LIPC: variants seen among roughly 807,000 people sequenced by gnomAD.
LIPC encodes hepatic triacylglycerol lipase.
LIPC carries 44 observed loss-of-function variants against 50.7 expected under a neutral mutation model. The ratio of observed to expected loss-of-function variants is 0.87; its 90% CI spans 0.68 to 1.11. The LOEUF (loss-of-function observed/expected upper bound fraction) is 1.11, where lower values mean the gene tolerates loss of function less well. Among genes scored for constraint, LIPC ranks in the 50% most tolerant of loss-of-function variants. The pLI, the probability that LIPC is intolerant of heterozygous loss-of-function variation, is 0.00. For missense variants in LIPC, 697 were observed against 648.2 expected, an observed-to-expected ratio of 1.08 and a Z score of -0.82; for synonymous variants, 271 against 256.4, an observed-to-expected ratio of 1.06 and a Z score of -0.54.
At chr15:58,499,795 G>A (rs1161345128) in intron 1 of LIPC, among the ~76,000 whole-genome samples, 2 of 152,182 alleles carry the variant, frequency 1.3e-5, no homozygotes, top group Non-Finnish European at 2.9e-5. Context: ...GTCTAAGTGA[G>A]GTTGGATAAC....
At chr15:58,465,753 G>A (rs747393471) in intron 1 of LIPC, among the ~76,000 whole-genome samples, 11 of 152,136 alleles carry the variant, frequency 7.2e-5, no homozygotes, top group Non-Finnish European at 1.6e-4. Context: ...GGAAGATAGA[G>A]TCCAAGAGGG....
chr15:58,475,854 C>T lies in LIPC; in HGVS notation c.88+43734C>T, dbSNP rs140954899. 5.9e-3 allele frequency among the ~76,000 whole-genome samples: 893 copies of T among 152,302 alleles called. 6 individuals are homozygous for T. Among genetic ancestry groups the T allele is most frequent in the Non-Finnish European group, 9.3e-3 (635 of 68,018 alleles). On this transcript the variant is annotated intron_variant, in intron 1 of 8. Coordinates refer to ENST00000299022, the MANE Select transcript of LIPC (RefSeq NM_000236.3). ...AGGACATTCCATTAACAATAAGCAC[C>T]ACTCTGAGCATTTCCTATGTGCCAG...
At chr15:58,540,361 C>T (rs2227298) in intron 2 of LIPC, among the ~76,000 whole-genome samples, 72 of 152,098 alleles carry the variant, frequency 4.7e-4, no homozygotes, top group African/African-American at 1.6e-3. Flanking sequence ...CTGCTCTAAG[C>T]GCTTTAGATC....
At position 58,538,522 on chromosome 15, in the gene LIPC, GA is replaced by G. The variant is rs1893219044; in HGVS notation, c.273+8del. ...ATGATAATCCACGGGTGGTCGGTAG[GA>G]AATGCTGACATGCCGTTTTTCTCTC... On this transcript the variant is annotated splice_donor_region_variant and intron_variant, in intron 2 of 8. Coordinates refer to ENST00000299022, the MANE Select transcript of LIPC (RefSeq NM_000236.3). 6.2e-7 allele frequency: 1 copy of G among 1,613,756 alleles called. No homozygotes were observed.
At chr15:58,534,250 T>G (rs1309213676) in intron 1 of LIPC, among the ~76,000 whole-genome samples, 3 of 152,154 alleles carry the variant, frequency 2.0e-5, no homozygotes, top group African/African-American at 7.2e-5. Flanking sequence ...TGTGCAAAGC[T>G]AAAACTTGTA....
chr15:58,489,730 G>A (rs1891518529), intron 1 of LIPC, among the ~76,000 whole-genome samples: 1 of 152,174 alleles, frequency 6.6e-6, no homozygotes, highest in Non-Finnish European at 1.5e-5. Context: ...TAGAAAATTT[G>A]CCTATATCTT....
In LIPC at chr15:58,547,776, G is replaced by T. The variant is rs182202765; in HGVS notation, c.809-554G>T. On this transcript the variant is annotated intron_variant, in intron 5 of 8. Coordinates refer to ENST00000299022, the MANE Select transcript of LIPC (RefSeq NM_000236.3). ...GGTTTCACAGGCCTGTTACCTAAGG[G>T]ATGCAATGGCTGCTTTGGGACACAA... is the stretch of plus-strand genomic sequence containing the variant. Among the ~76,000 whole-genome samples, 48 of 152,184 alleles carry T rather than the reference G, an allele frequency of 3.2e-4. No individual in the cohort carries two copies. In the East Asian group the frequency reaches 7.0e-3, roughly 22 times the overall value.
chr15:58,478,059 C>G (rs1891058253), intron 1 of LIPC, among the ~76,000 whole-genome samples: 1 of 152,118 alleles, frequency 6.6e-6, no homozygotes, highest in African/African-American at 2.4e-5. Flanking sequence ...TGCCCACCTC[C>G]CCCCATAGCT....
chr15:58,516,797 T>C (rs1475538708), intron 1 of LIPC, among the ~76,000 whole-genome samples: 1 of 152,254 alleles, frequency 6.6e-6, no homozygotes, highest in East Asian at 1.9e-4. Context: ...TTACCATCTA[T>C]AACAATTCTA....
chr15:58,476,366 C>T (rs1421795921), intron 1 of LIPC, among the ~76,000 whole-genome samples: 1 of 152,238 alleles, frequency 6.6e-6, no homozygotes, highest in African/African-American at 2.4e-5. Flanking sequence ...AGTCTAATAT[C>T]ACATTTAACA....
rs1234182871 is a variant in LIPC at position 58,493,135 on chromosome 15, T to C, written c.89-45198T>C. On this transcript the variant is annotated intron_variant, in intron 1 of 8. Transcript: ENST00000299022. ...TGGCCCCCCATGGTATCTCACATCA[T>C]CATCAGACCAAAAGAACCCATACCC... Among the ~76,000 whole-genome samples, 5 of 152,204 alleles carry C rather than the reference T, an allele frequency of 3.3e-5. No individual in the cohort carries two copies. The East Asian group carries it at 9.6e-4, about 29-fold the overall frequency.
At chr15:58,445,858 G>A (rs1290853473) in intron 1 of LIPC, among the ~76,000 whole-genome samples, 1 of 152,170 alleles carries the variant, frequency 6.6e-6, no homozygotes, top group Admixed American at 6.5e-5. Flanking sequence ...TCCATTGCTG[G>A]TCACAAAACT....
intron 1 of LIPC, among the ~76,000 whole-genome samples, chr15:58,485,201 G>T (rs1337617486): frequency 6.6e-6 from 1 of 152,190 alleles, no homozygotes; most frequent in Non-Finnish European, 1.5e-5. Context: ...TAAGCAGGGA[G>T]ACCCCGGGGG....
At chr15:58,482,588 C>A (rs561101049) in intron 1 of LIPC, among the ~76,000 whole-genome samples, 1 of 152,306 alleles carries the variant, frequency 6.6e-6, no homozygotes, top group African/African-American at 2.4e-5. Context: ...CACTTAGCCA[C>A]AGCCACTCTA....
chr15:58,437,992 C>T (rs1893365566), intron 1 of LIPC, among the ~76,000 whole-genome samples: 2 of 152,144 alleles, frequency 1.3e-5, no homozygotes, highest in Admixed American at 6.5e-5. Context: ...CACAGAGACC[C>T]AGGACTGGAA....
At chr15:58,566,442 A>G in intron 8 of LIPC, 2 of 985,226 alleles carry the variant, frequency 2.0e-6, no homozygotes, top group Non-Finnish European at 2.4e-6. Context: ...GTGATAAACG[A>G]GAATCATAAT....
At chr15:58,508,463 G>A (rs1892228317) in intron 1 of LIPC, among the ~76,000 whole-genome samples, 1 of 152,186 alleles carries the variant, frequency 6.6e-6, no homozygotes, top group African/African-American at 2.4e-5. Context: ...TGGTCATTTT[G>A]GAGGTAGGGA....
intron 5 of LIPC, among the ~76,000 whole-genome samples, chr15:58,546,586 T>C (rs963869502): frequency 1.3e-5 from 2 of 152,146 alleles, no homozygotes; most frequent in African/African-American, 4.8e-5. Context: ...AAAACCGAAA[T>C]ATTAACATGC....
intron 1 of LIPC, among the ~76,000 whole-genome samples, chr15:58,492,579 A>G (rs1196643046): frequency 6.6e-6 from 1 of 152,138 alleles, no homozygotes; most frequent in Non-Finnish European, 1.5e-5. Context: ...CAAGAGCCCA[A>G]GTTCCCACTC....
Sources: allele counts gnomAD v4.1 joint callset (sites outside exome capture counted in the v4.1 genomes callset), GRCh38; gene constraint gnomAD v4.1.1; transcripts MANE v1.5; gene names NCBI Gene and HGNC (gene_info 2026-07-23, HGNC 2026-07-21).